DCC: variants seen among roughly 807,000 people sequenced by gnomAD.
DCC encodes DCC netrin 1 receptor, also known as netrin receptor DCC.
A neutral mutation model predicts 172.5 loss-of-function variants in DCC; 58 were observed. That is an observed-to-expected ratio of 0.34 (90% confidence interval 0.27 to 0.42). DCC has a LOEUF of 0.42. Ranked by LOEUF, DCC falls within the 10% of genes least tolerant of loss-of-function variation. The probability of loss-of-function intolerance (pLI) is 1.00; values close to 1 mark genes in which losing one functional copy is unlikely to be tolerated. For missense variants in DCC, 1,740 were observed against 1,791.0 expected (o/e 0.97, Z 0.51); for synonymous variants, 709 against 644.5 (o/e 1.10, Z -1.52).
chr18:52,996,765 CCTTTTT>C (rs2041486814), intron 5 of DCC, among the ~76,000 whole-genome samples: 1 of 136,426 alleles, frequency 7.3e-6, no homozygotes, highest in Non-Finnish European at 1.5e-5. Context: ...AAACACATCA[CCTTTTT>C]CTTTTTTTTT....
intron 1 of DCC, among the ~76,000 whole-genome samples, chr18:52,549,375 A>G (rs572392156): frequency 6.6e-6 from 1 of 152,032 alleles, no homozygotes; most frequent in East Asian, 1.9e-4. Flanking sequence ...TGCAGTTGCT[A>G]TTCTCTTATC....
At chr18:53,449,967 T>G (rs1487215738) in intron 22 of DCC, among the ~76,000 whole-genome samples, 3 of 152,194 alleles carry the variant, frequency 2.0e-5, no homozygotes, top group Admixed American at 6.5e-5. Context: ...ATTTGCCTAT[T>G]CTGGATATTT....
At chr18:52,789,774 C>G (rs2037725341) in intron 2 of DCC, among the ~76,000 whole-genome samples, 1 of 152,116 alleles carries the variant, frequency 6.6e-6, no homozygotes, top group African/African-American at 2.4e-5. Flanking sequence ...CTAAGCTATC[C>G]TTGCCCATCC....
rs1243595472 is a variant in DCC at position 53,530,899 on chromosome 18, A to G, written c.*246A>G. On this transcript the variant is annotated 3_prime_UTR_variant, in exon 29 of 29. Transcript: ENST00000442544. ...AAAGCAAAGATGCATTTTCACTGCAATGTCAAAGTTTAAGCTGCTAGAATA... is the reference window on the plus strand; with the variant it reads ...AAAGCAAAGATGCATTTTCACTGCAGTGTCAAAGTTTAAGCTGCTAGAATA... 4 of 587,564 alleles carry G rather than the reference A, an allele frequency of 6.8e-6. No homozygotes were observed. The highest frequency in any genetic ancestry group is 1.9e-5 in the South Asian group (1 of 52,004). The allele number at this position is 587,564 out of a possible 1,614,324, so 36.4% of individuals were successfully genotyped here.
Position 53,140,638 on chromosome 18 carries a change from C to T in DCC, c.1262-16718C>T, listed in dbSNP as rs920729558. ...ATTTCTCTCACACAGAGAAATATGC[C>T]GAAGTAGGGACACATTCAGGAAGGG... On this transcript the variant is annotated intron_variant, in intron 7 of 28. Transcript: ENST00000442544. Among the ~76,000 whole-genome samples, 6 of 151,596 alleles carry T rather than the reference C, an allele frequency of 4.0e-5. No homozygotes were observed. In the East Asian group the frequency reaches 5.8e-4, roughly 15 times the overall value.
intron 1 of DCC, among the ~76,000 whole-genome samples, chr18:52,598,706 C>T (rs905737174): frequency 1.3e-5 from 2 of 152,102 alleles, no homozygotes; most frequent in Non-Finnish European, 2.9e-5. Flanking sequence ...TGGATGGTGT[C>T]TCAGTCTGTT....
chr18:53,163,262 A>ATT lies in DCC; in HGVS notation c.1418+5756_1418+5757dup, dbSNP rs5824993. 9.1e-4 allele frequency among the ~76,000 whole-genome samples: 138 copies of ATT among 152,154 alleles called. 1 individual carries two copies. The highest frequency in any genetic ancestry group is 1.1e-3 in the Non-Finnish European group (77 of 67,978). ...CAGAGAGATATGATATTCTCGATAG[A>ATT]TTTTTTTCTTACCCAGTAAAATAAA... On this transcript the variant is annotated intron_variant, in intron 8 of 28. Coordinates refer to ENST00000442544, the MANE Select transcript of DCC (RefSeq NM_005215.4).
At chr18:52,345,408 A>C (rs2144229208) in intron 1 of DCC, among the ~76,000 whole-genome samples, 1 of 152,312 alleles carries the variant, frequency 6.6e-6, no homozygotes, top group Non-Finnish European at 1.5e-5. Context: ...CCTTCCTTAT[A>C]ATGCTCTGGA....
chr18:53,514,885 T>G (rs2046314752), intron 27 of DCC, among the ~76,000 whole-genome samples: 1 of 151,778 alleles, frequency 6.6e-6, no homozygotes, highest in African/African-American at 2.4e-5. Context: ...GAGGAACTAG[T>G]ACCATTCCTT....
At chr18:53,245,502 A>G (rs1310568738) in intron 12 of DCC, among the ~76,000 whole-genome samples, 2 of 152,122 alleles carry the variant, frequency 1.3e-5, no homozygotes, top group African/African-American at 4.8e-5. Context: ...TTTCTAGCAT[A>G]TGAATAGAAT....
At chr18:52,666,793 T>G (rs1243090145) in intron 1 of DCC, among the ~76,000 whole-genome samples, 2 of 152,226 alleles carry the variant, frequency 1.3e-5, no homozygotes, top group Non-Finnish European at 2.9e-5. Context: ...AGAGGATCTA[T>G]TCTACAGAAG....
chr18:53,136,264 C>T (rs181044236), intron 7 of DCC, among the ~76,000 whole-genome samples: 220 of 151,756 alleles, frequency 1.4e-3, no homozygotes, highest in Middle Eastern at 3.4e-3. Context: ...CACATACATA[C>T]ACACTAGATA....
chr18:53,079,391 A>G (rs1167896497), intron 7 of DCC, among the ~76,000 whole-genome samples: 1 of 152,160 alleles, frequency 6.6e-6, no homozygotes, highest in Non-Finnish European at 1.5e-5. Flanking sequence ...TTATATAGAA[A>G]CAGATGACCC....
intron 1 of DCC, among the ~76,000 whole-genome samples, chr18:52,572,200 A>G (rs745884189): frequency 5.9e-5 from 9 of 152,158 alleles, no homozygotes; most frequent in Non-Finnish European, 7.3e-5. Flanking sequence ...CCTGCTGGCA[A>G]TAAACAGAGG....
At chr18:52,978,448 C>T (rs1213895399) in intron 5 of DCC, among the ~76,000 whole-genome samples, 4 of 152,062 alleles carry the variant, frequency 2.6e-5, no homozygotes, top group Non-Finnish European at 4.4e-5. Flanking sequence ...GCATAGAGGC[C>T]GAGTAAAAAT....
At chr18:52,670,431 T>G (rs2035530687) in intron 1 of DCC, among the ~76,000 whole-genome samples, 2 of 152,224 alleles carry the variant, frequency 1.3e-5, no homozygotes, top group Admixed American at 6.5e-5. Flanking sequence ...TTCAAATTCT[T>G]TAACTATAAA....
intron 25 of DCC, among the ~76,000 whole-genome samples, chr18:53,485,545 A>G (rs936760148): frequency 1.3e-5 from 2 of 152,116 alleles, no homozygotes; most frequent in African/African-American, 4.8e-5. Flanking sequence ...TCATTTTCAA[A>G]CCAGTCCATC....
At position 52,406,079 on chromosome 18, in the gene DCC, C is replaced by A. The variant is rs1279077396; in HGVS notation, c.91+65201C>A. Among the ~76,000 whole-genome samples the A allele has an allele frequency of 2.1e-5, 3 of 142,770 alleles. 1 individual carries two copies. In the East Asian group the frequency reaches 6.1e-4, roughly 29 times the overall value. The allele number at this position is 142,770 out of a possible 152,430, so 93.7% of individuals were successfully genotyped here. A position where few individuals can be genotyped will look rare whatever the true frequency, so the allele number is the denominator to read the frequency against. On this transcript the variant is annotated intron_variant, in intron 1 of 28. Coordinates refer to ENST00000442544, the MANE Select transcript of DCC (RefSeq NM_005215.4). ...AAAAACAAGCAATGGGGAAAGGATT[C>A]CCTATTTAATAAATGGTGCTGGGAA...
At chr18:52,784,580 A>AT (rs1465873327) in intron 2 of DCC, among the ~76,000 whole-genome samples, 1 of 151,546 alleles carries the variant, frequency 6.6e-6, no homozygotes, top group Non-Finnish European at 1.5e-5. Context: ...AGCAGTTGTT[A>AT]TTTTTTGTCT....
Sources: gnomAD v4.1 joint callset for allele counts (sites outside exome capture counted in the v4.1 genomes callset) on GRCh38, gnomAD v4.1.1 for gene constraint, MANE v1.5 for transcripts, NCBI Gene and HGNC (gene_info 2026-07-23, HGNC 2026-07-21) for gene names.